Variants in TRAPPC3 observed in about 807,000 individuals in gnomAD.
TRAPPC3 encodes trafficking protein particle complex subunit 3, also known as trafficking protein particle complex 3.
Under a neutral mutation model 18.2 loss-of-function variants are expected in TRAPPC3, and 5 were observed. That is an observed-to-expected ratio of 0.28 (90% CI 0.14 to 0.58). The LOEUF is 0.58. Ranked by LOEUF, TRAPPC3 falls within the 20% of genes least tolerant of loss-of-function variation. The pLI is 0.91. For missense variants in TRAPPC3, 176 were observed against 225.9 expected (o/e 0.78, Z 1.41); for synonymous variants, 65 against 84.2 (o/e 0.77, Z 1.25).
intron 1 of TRAPPC3, among the ~76,000 whole-genome samples, chr1:36,145,821 T>C (rs1179932992): frequency 1.3e-5 from 2 of 152,238 alleles, no homozygotes; most frequent in Non-Finnish European, 2.9e-5. Context: ...TCGCCCAGGC[T>C]GGAGTGCAGT....
Position 36,139,802 on chromosome 1 carries a change from A to C in TRAPPC3, c.158T>G (p.Val53Gly), listed in dbSNP as rs1412889229. ...AGCCAAGAAATCTTCAATCAGCCGG[A>C]CTCCAATGTTAAAGCCCCTGGGAAG... ...QLDKMGFNIG[V>G]RLIEDFLARS... Residue 53 changes from valine (V) to glycine (G), a missense_variant, in exon 3 of 5, where the codon GTC (valine) becomes GGC (glycine). Transcript: ENST00000373166. The C allele has an allele frequency of 6.2e-7, 1 of 1,613,962 alleles. No homozygotes were observed. Among genetic ancestry groups the C allele is most frequent in the Non-Finnish European group, 8.5e-7 (1 of 1,180,018 alleles).
intron 1 of TRAPPC3, among the ~76,000 whole-genome samples, chr1:36,146,592 TAAAAAAAA>T (rs58611478): frequency 3.6e-5 from 3 of 83,002 alleles, no homozygotes; most frequent in African/African-American, 1.8e-4. Flanking sequence ...CCTACTTCAT[TAAAAAAAA>T]AAAAAAAAAA....
At chr1:36,142,526 T>C (rs1644132145) in intron 1 of TRAPPC3, among the ~76,000 whole-genome samples, 1 of 152,196 alleles carries the variant, frequency 6.6e-6, no homozygotes, top group Non-Finnish European at 1.5e-5. Flanking sequence ...AGCTACCTCC[T>C]ATTTACCAAT....
At chr1:36,137,572 T>C in intron 4 of TRAPPC3, 1 of 639,000 alleles carries the variant, frequency 1.6e-6, no homozygotes, top group Non-Finnish European at 2.7e-6. Flanking sequence ...TGGATGTTCC[T>C]GGGCTTTGGG....
At chr1:36,148,992 G>T in intron 1 of TRAPPC3, 1 of 1,047,216 alleles carries the variant, frequency 9.5e-7, no homozygotes, top group Non-Finnish European at 1.2e-6. Flanking sequence ...CATCTGATAG[G>T]GGCTACTCTG....
intron 1 of TRAPPC3, among the ~76,000 whole-genome samples, chr1:36,146,708 C>G (rs1448732288): frequency 2.0e-5 from 3 of 151,334 alleles, no homozygotes; most frequent in African/African-American, 7.3e-5. Context: ...GCAGGCGGTA[C>G]TACACCTCTG....
intron 4 of TRAPPC3, chr1:36,137,581 G>A: frequency 1.6e-6 from 1 of 641,830 alleles, no homozygotes; most frequent in Non-Finnish European, 2.6e-6. Flanking sequence ...CTGGGCTTTG[G>A]GGACTGACAG....
chr1:36,137,425 G>C (rs1644041659), intron 4 of TRAPPC3, 103 bp from the exon 5 acceptor site: 3 of 1,261,122 alleles, frequency 2.4e-6, no homozygotes, highest in East Asian at 2.4e-5. Context: ...TCCAAAAAAG[G>C]GGGGCTGGTT....
In TRAPPC3 at chr1:36,136,862, T is replaced by A. The variant is rs1644032657; in HGVS notation, c.*341A>T. On this transcript the variant is annotated 3_prime_UTR_variant, in exon 5 of 5. Transcript: ENST00000373166. ...CTTTCTAAAGGCCCAGGGATAGATG[T>A]GCCAGGCTTGCCTCTTAATGGGGTC... The A allele has an allele frequency of 5.7e-6, 1 of 176,454 alleles. No individual in the cohort carries two copies. The highest frequency in any genetic ancestry group is 1.2e-5 in the Non-Finnish European group (1 of 82,136). 10.9% of individuals were successfully genotyped at this position (176,454 alleles called of 1,614,324 possible).
chr1:36,145,259 G>C (rs540658553), intron 1 of TRAPPC3, among the ~76,000 whole-genome samples: 1 of 151,346 alleles, frequency 6.6e-6, no homozygotes, highest in Non-Finnish European at 1.5e-5. Context: ...TCCATCTCCC[G>C]ACCCTGTGAT....
At chr1:36,147,408 G>A (rs1291662678) in intron 1 of TRAPPC3, among the ~76,000 whole-genome samples, 1 of 151,850 alleles carries the variant, frequency 6.6e-6, no homozygotes, top group East Asian at 1.9e-4. Context: ...CAGAGTTGGA[G>A]GGACTGCTTG....
chr1:36,153,697 G>A (rs910209013), upstream of TRAPPC3, among the ~76,000 whole-genome samples: 5 of 152,264 alleles, frequency 3.3e-5, no homozygotes, highest in African/African-American at 9.6e-5. Context: ...GCCCACCGCC[G>A]TATGTCTCTA....
chr1:36,147,948 G>T (rs1392438258), intron 1 of TRAPPC3, among the ~76,000 whole-genome samples: 1 of 152,066 alleles, frequency 6.6e-6, no homozygotes, highest in Non-Finnish European at 1.5e-5. Flanking sequence ...TGAGAGCAAA[G>T]TACAAAAACT....
intron 1 of TRAPPC3, among the ~76,000 whole-genome samples, chr1:36,146,660 G>GT (rs1203770780): frequency 1.3e-5 from 2 of 150,930 alleles, no homozygotes. Context: ...CTTGCCCAAG[G>GT]TAACACAGCA....
intron 1 of TRAPPC3, among the ~76,000 whole-genome samples, chr1:36,142,866 CA>C (rs149005972): frequency 6.6e-6 from 1 of 151,804 alleles, no homozygotes; most frequent in African/African-American, 2.4e-5. Context: ...CCCAACTTTA[CA>C]AAAAAATTTT....
chr1:36,146,874 T>C (rs981321736), intron 1 of TRAPPC3, among the ~76,000 whole-genome samples: 16 of 152,224 alleles, frequency 1.1e-4, no homozygotes, highest in South Asian at 2.1e-4. Flanking sequence ...GAGCTCTGCA[T>C]ATAGTTGGGG....
rs372161924 is a variant in TRAPPC3 at position 36,139,864 on chromosome 1, C to G, written c.141-45G>C. 9 of 1,608,712 alleles carry G rather than the reference C, an allele frequency of 5.6e-6. No homozygotes were observed. In the African/African-American group the frequency reaches 8.0e-5, roughly 14 times the overall value. Reference sequence around the variant, plus strand: ...AGAGACTATGATGGAGTCTAAATGTCTTATGTTTGAACATAAGGTTGTTGG... The same window carrying G: ...AGAGACTATGATGGAGTCTAAATGTGTTATGTTTGAACATAAGGTTGTTGG... On this transcript the variant is annotated intron_variant, in intron 2 of 4. Transcript: ENST00000373166.
At chr1:36,139,494 C>G (rs905426260) in intron 3 of TRAPPC3, 25 of 568,620 alleles carry the variant, frequency 4.4e-5, no homozygotes, top group Non-Finnish European at 4.9e-5. Flanking sequence ...TCTGCTACAC[C>G]TTCACAGTGG....
intron 1 of TRAPPC3, among the ~76,000 whole-genome samples, chr1:36,148,570 G>C (rs1446260527): frequency 2.0e-5 from 3 of 150,582 alleles, no homozygotes; most frequent in Non-Finnish European, 4.4e-5. Context: ...ACTCCACCCC[G>C]GGTGACAGAG....
Sources: allele counts gnomAD v4.1 joint callset (sites outside exome capture counted in the v4.1 genomes callset), GRCh38; gene constraint gnomAD v4.1.1; transcripts MANE v1.5; gene names NCBI Gene and HGNC (gene_info 2026-07-23, HGNC 2026-07-21).